RHCE: variants seen among roughly 807,000 people sequenced by gnomAD.
RHCE encodes the protein Rh blood group CcEe antigens, also known as blood group Rh(CE) polypeptide.
Under a neutral mutation model 43.8 loss-of-function variants are expected in RHCE, and 22 were observed. That is an observed-to-expected ratio of 0.50 (90% CI 0.36 to 0.72). RHCE has a LOEUF of 0.72. Ranked by LOEUF, RHCE falls within the 30% of genes least tolerant of loss-of-function variation. The pLI, the probability that RHCE is intolerant of heterozygous loss-of-function variation, is 0.00. For synonymous variants in RHCE, 156 were observed against 210.7 expected, an observed-to-expected ratio of 0.74 and a Z score of 2.25; for missense variants, 385 against 525.4, an observed-to-expected ratio of 0.73 and a Z score of 2.61.
chr1:25,402,202 G>GTCTA (rs1334174215), intron 3 of RHCE, among the ~76,000 whole-genome samples: 2,991 of 118,116 alleles, frequency 0.025, 73 homozygotes, highest in African/African-American at 0.075. Context: ...CTGTCTGTCT[G>GTCTA]TCTGTCTATC....
At chr1:25,371,041 C>G (rs1401817474) in intron 8 of RHCE, among the ~76,000 whole-genome samples, 7 of 150,152 alleles carry the variant, frequency 4.7e-5, no homozygotes, top group Non-Finnish European at 7.4e-5. Context: ...TAGGCATAAG[C>G]CACCACACCC....
At chr1:25,407,262 T>C (rs1166255958) in intron 2 of RHCE, among the ~76,000 whole-genome samples, 1 of 122,686 alleles carries the variant, frequency 8.2e-6, no homozygotes, top group Non-Finnish European at 1.9e-5. Context: ...ACAGTTTTTT[T>C]CCTCTAGGGC....
chr1:25,406,310 TTTTTG>T (rs756652961), intron 2 of RHCE, among the ~76,000 whole-genome samples: 4 of 120,192 alleles, frequency 3.3e-5, no homozygotes, highest in African/African-American at 1.0e-4. Context: ...TCTAAGATGG[TTTTTG>T]TTTTGTTTTG....
At chr1:25,401,278 A>C (rs975869143) in intron 3 of RHCE, among the ~76,000 whole-genome samples, 2 of 152,218 alleles carry the variant, frequency 1.3e-5, no homozygotes, top group African/African-American at 4.8e-5. Flanking sequence ...ACAGACGAAG[A>C]AACTAAAGCT....
chr1:25,418,365 T>TTTG (rs2042660109), intron 1 of RHCE, among the ~76,000 whole-genome samples: 1 of 151,580 alleles, frequency 6.6e-6, no homozygotes, highest in African/African-American at 2.4e-5. Flanking sequence ...TGTTGTTGTT[T>TTTG]TTGTTTGGTT....
chr1:25,410,045 C>T (rs183397214), intron 1 of RHCE, among the ~76,000 whole-genome samples: 10 of 151,880 alleles, frequency 6.6e-5, no homozygotes, highest in African/African-American at 1.7e-4. Flanking sequence ...TACAGGTGCC[C>T]ACCACCGTGC....
intron 8 of RHCE, 106 bp from the exon 9 acceptor site, chr1:25,370,646 A>G (rs1159254989): frequency 1.5e-5 from 15 of 995,594 alleles, no homozygotes; most frequent in Admixed American, 6.1e-5. Context: ...TCTCAACAGA[A>G]ATCCTTTTTC....
chr1:25,416,340 T>G (rs563615639), intron 1 of RHCE, among the ~76,000 whole-genome samples: 1 of 152,190 alleles, frequency 6.6e-6, no homozygotes, highest in Non-Finnish European at 1.5e-5. Context: ...CTCAGCTCAC[T>G]GAAAGCTCCG....
Position 25,390,842 on chromosome 1 carries a change from A to C in RHCE, c.708T>G (p.Asn236Lys), listed in dbSNP as rs1420342361. Residue 236 changes from asparagine to lysine, a missense_variant, in exon 5 of 10, where the codon AAT becomes AAG. Asn to Lys is a moderately conservative substitution (Grantham distance 94, BLOSUM62 0). Coordinates refer to ENST00000294413, the MANE Select transcript of RHCE (RefSeq NM_020485.8). ...ALLRSPIQRK[N>K]AMFNTYYALA... The stretch of plus-strand genomic sequence containing the variant: ...GAGCATAGTAGGTGTTGAACATGGC[A>C]TTCTTCCTTTGGATTGGACTTCTCA... 6.2e-7 allele frequency: 1 copy of C among 1,614,212 alleles called. No individual in the cohort carries two copies. The highest frequency in any genetic ancestry group is 1.1e-5 in the South Asian group (1 of 91,082).
At chr1:25,423,880 A>G (rs1469749331), upstream of RHCE, among the ~76,000 whole-genome samples, 1 of 152,204 alleles carries the variant, frequency 6.6e-6, no homozygotes, top group Non-Finnish European at 1.5e-5. Context: ...AATGCTGGGA[A>G]AAAAGCACTC....
intron 9 of RHCE, among the ~76,000 whole-genome samples, chr1:25,370,061 A>G (rs1430701567): frequency 1.3e-5 from 2 of 151,536 alleles, no homozygotes; most frequent in Non-Finnish European, 2.9e-5. Context: ...TTGATAAGTC[A>G]TGTCTCCACT....
At chr1:25,415,252 T>C (rs1469432419) in intron 1 of RHCE, among the ~76,000 whole-genome samples, 3 of 152,138 alleles carry the variant, frequency 2.0e-5, no homozygotes, top group Non-Finnish European at 4.4e-5. Context: ...CAGTAGTCAT[T>C]ACAGCAAAGA....
intron 6 of RHCE, among the ~76,000 whole-genome samples, chr1:25,387,884 A>G (rs1243363542): frequency 2.0e-5 from 3 of 151,906 alleles, no homozygotes; most frequent in Non-Finnish European, 2.9e-5. Context: ...GCAGTGGCGC[A>G]ATTTCGGCTC....
chr1:25,375,370 G>C lies in RHCE; in HGVS notation c.1132C>G (p.Leu378Val), dbSNP rs138917454. The change falls in exon 8 of 10, where the codon CTC becomes GTC. Residue 378 changes from leucine to valine, a missense_variant. Leu to Val is a conservative substitution (Grantham distance 32). Transcript: ENST00000294413. Reference protein sequence around the residue: ...GELSLAIVIALTSGLLTGLLL... With the variant: ...GELSLAIVIAVTSGLLTGLLL... ...TGACCTGTCAGGAGACCAGACGTGA[G>C]AGCTATCACGATGGCCAAGCTGAGT... 170 of 1,614,048 alleles carry C rather than the reference G, an allele frequency of 1.1e-4. No homozygotes were observed. The African/African-American group carries it at 2.1e-3, about 20-fold the overall frequency.
intron 7 of RHCE, among the ~76,000 whole-genome samples, chr1:25,376,831 G>A (rs1321569522): frequency 3.3e-5 from 5 of 151,878 alleles, no homozygotes; most frequent in Admixed American, 2.0e-4. Flanking sequence ...GGAGAACGGT[G>A]TGAACCCAGG....
intron 7 of RHCE, among the ~76,000 whole-genome samples, chr1:25,384,328 A>G (rs561408392): frequency 7.2e-5 from 11 of 151,852 alleles, no homozygotes; most frequent in Non-Finnish European, 1.3e-4. Flanking sequence ...ATCTGGCAAC[A>G]CTGAGCCTGG....
In RHCE at chr1:25,375,923, T is replaced by C. The variant is rs562291165; in HGVS notation, c.1074-495A>G. 9.9e-3 allele frequency among the ~76,000 whole-genome samples: 1,478 copies of C among 149,588 alleles called. 25 individuals carry two copies. The highest frequency in any genetic ancestry group is 0.034 in the African/African-American group (1,372 of 40,260). On this transcript the variant is annotated intron_variant, in intron 7 of 9. Transcript: ENST00000294413. Reference sequence around the variant, plus strand: ...AAGCGATTCTTGTGCCTCAAGTAGCTGGGACTACAGGCATGCGCCACCATA... The same window carrying C: ...AAGCGATTCTTGTGCCTCAAGTAGCCGGGACTACAGGCATGCGCCACCATA...
At chr1:25,407,287 C>CTAGACTGTGTT (rs1443788962) in intron 2 of RHCE, among the ~76,000 whole-genome samples, 10 of 122,568 alleles carry the variant, frequency 8.2e-5, no homozygotes, top group African/African-American at 2.3e-4. Flanking sequence ...CAGGAGCTGG[C>CTAGACTGTGTT]TAGACTGTGT....
rs994275432 is a variant in RHCE, at chr1:25,410,210, T to A, written c.149-1341A>T. 6.2e-4 allele frequency among the ~76,000 whole-genome samples: 94 copies of A among 152,206 alleles called. 2 individuals carry two copies. The highest frequency in any genetic ancestry group is 2.2e-3 in the African/African-American group (91 of 41,488). On this transcript the variant is annotated intron_variant, in intron 1 of 9. Coordinates refer to ENST00000294413, the MANE Select transcript of RHCE (RefSeq NM_020485.8). ...CAGGGCCTGGCCTACAGCCAAGATT[T>A]AAACCTAGATAATCTGCTGGAGCCT...
Sources: gnomAD v4.1 joint callset for allele counts (sites outside exome capture counted in the v4.1 genomes callset) on GRCh38, gnomAD v4.1.1 for gene constraint, MANE v1.5 for transcripts, NCBI Gene and HGNC (gene_info 2026-07-23, HGNC 2026-07-21) for gene names.